FAM153A: variants seen among roughly 807,000 people sequenced by gnomAD.
The protein encoded by FAM153A is protein FAM153A.
Under a neutral mutation model 48.1 loss-of-function variants are expected in FAM153A, and 12 were observed. That is an observed-to-expected ratio of 0.25 (90% confidence interval 0.16 to 0.40). The LOEUF is 0.40. FAM153A is among the 10% of genes least tolerant of loss of function. The pLI, the probability that FAM153A is intolerant of heterozygous loss-of-function variation, is 1.00. For missense variants in FAM153A, 111 were observed against 345.8 expected (o/e 0.32, Z 5.38); for synonymous variants, 36 against 118.2 (o/e 0.30, Z 4.51).
intron 10 of FAM153A, among the ~76,000 whole-genome samples, chr5:177,738,668 G>A (rs1417044466): frequency 3.3e-5 from 5 of 151,098 alleles, no homozygotes; most frequent in Admixed American, 6.6e-5. Context: ...CTCCAGCTGC[G>A]TACTGGGGAT....
intron 10 of FAM153A, 133 bp from the exon 13 acceptor site, chr5:177,737,245 A>C: frequency 6.3e-7 from 1 of 1,587,674 alleles, no homozygotes; most frequent in South Asian, 1.1e-5. Flanking sequence ...CTGCCAGTCC[A>C]TCCTCCATGG....
At chr5:177,697,784 T>TC in the FAM153A span, among the ~76,000 whole-genome samples, 2 of 151,800 alleles carry the variant, frequency 1.3e-5, no homozygotes, top group Non-Finnish European at 2.9e-5. Flanking sequence ...GATCTGTTTC[T>TC]CTGGGGGAAG....
At chr5:177,776,543 T>C (rs1483599366) in intron 1 of FAM153A, among the ~76,000 whole-genome samples, 10 of 79,408 alleles carry the variant, frequency 1.3e-4, no homozygotes, top group Non-Finnish European at 2.0e-4. Context: ...TACCTAGGAA[T>C]CCAACTTACA....
intron 6 of FAM153A, among the ~76,000 whole-genome samples, chr5:177,743,187 C>CTTGTT (rs1765548836): frequency 1.3e-5 from 1 of 77,904 alleles, no homozygotes; most frequent in Non-Finnish European, 2.7e-5. Flanking sequence ...ACTGCATTCA[C>CTTGTT]TTGTTTTTTT....
At chr5:177,781,964 G>C (rs1431763238), upstream of FAM153A, among the ~76,000 whole-genome samples, 685 of 64,176 alleles carry the variant, frequency 0.011, 3 homozygotes, top group East Asian at 0.036. Context: ...CTCTTGACCT[G>C]GTGATCCGCC....
chr5:177,705,088 G>C (rs1157230476), downstream of FAM153A, among the ~76,000 whole-genome samples: 4 of 150,314 alleles, frequency 2.7e-5, no homozygotes, highest in Admixed American at 2.0e-4. Context: ...TGGATCACTT[G>C]AGGTCTGGAG....
chr5:177,701,359 T>A, the FAM153A span, among the ~76,000 whole-genome samples: 2 of 151,684 alleles, frequency 1.3e-5, no homozygotes, highest in African/African-American at 4.9e-5. Context: ...AGGCTATGAG[T>A]AAATGACCAG....
downstream of FAM153A, among the ~76,000 whole-genome samples, chr5:177,707,653 C>A (rs148042762): frequency 0.013 from 1,965 of 151,650 alleles, 92 homozygotes; most frequent in African/African-American, 0.046. Context: ...TCTTACTCTG[C>A]CACCTAAGCA....
chr5:177,702,903 G>A, the FAM153A span, among the ~76,000 whole-genome samples: 1 of 152,018 alleles, frequency 6.6e-6, no homozygotes, highest in East Asian at 1.9e-4. Flanking sequence ...CTAAGCAGAA[G>A]CCTCACTGCC....
upstream of FAM153A, among the ~76,000 whole-genome samples, chr5:177,755,378 T>C (rs185769013): frequency 0.081 from 12,337 of 151,816 alleles, 581 homozygotes; most frequent in Non-Finnish European, 0.09. Flanking sequence ...CTGAAAGTGA[T>C]GGGGAGAATG....
chr5:177,696,416 A>G, the FAM153A span, among the ~76,000 whole-genome samples: 51 of 148,102 alleles, frequency 3.4e-4, 3 homozygotes, highest in African/African-American at 1.3e-3. Context: ...CAGACGGGGC[A>G]GCCGGGCAGA....
chr5:177,716,731 A>G (rs1312047141), intron 24 of FAM153A, among the ~76,000 whole-genome samples: 1 of 151,934 alleles, frequency 6.6e-6, no homozygotes, highest in Non-Finnish European at 1.5e-5. Context: ...ACAGATTGAC[A>G]TATGCATAAA....
At position 177,769,820 on chromosome 5, in the gene FAM153A, C is replaced by T. The variant is rs1447787740; in HGVS notation, c.-57+10629G>A. Among the ~76,000 whole-genome samples, 4 of 96,954 alleles carry T rather than the reference C, an allele frequency of 4.1e-5. 2 individuals carry two copies. Among genetic ancestry groups the T allele is most frequent in the South Asian group, 7.4e-4 (2 of 2,692 alleles). 63.6% of individuals were successfully genotyped at this position (96,954 alleles called of 152,430 possible). ...TCACTCCTTTAAGAGCTTATCCACT[C>T]GGAACCACGCCTCACATTCAGAGAG... On this transcript the variant is annotated intron_variant, in intron 1 of 8. Transcript: ENST00000393518.
chr5:177,759,109 G>T (rs562881066), intron 1 of FAM153A, among the ~76,000 whole-genome samples: 1 of 151,670 alleles, frequency 6.6e-6, no homozygotes, highest in Non-Finnish European at 1.5e-5. Flanking sequence ...AATCTACAAA[G>T]AACTCAAATT....
chr5:177,696,292 C>A, the FAM153A span, among the ~76,000 whole-genome samples: 4 of 146,358 alleles, frequency 2.7e-5, no homozygotes, highest in Non-Finnish European at 6.0e-5. Flanking sequence ...TCCCCACTTC[C>A]CAGACGGGGT....
upstream of FAM153A, among the ~76,000 whole-genome samples, chr5:177,756,242 C>A (rs1442397924): frequency 2.0e-5 from 3 of 148,928 alleles, no homozygotes; most frequent in Admixed American, 6.7e-5. Context: ...ACAAAGAAGG[C>A]CATTACATAA....
chr5:177,694,851 T>C, the FAM153A span, among the ~76,000 whole-genome samples: 1 of 150,324 alleles, frequency 6.7e-6, no homozygotes, highest in South Asian at 2.1e-4. Flanking sequence ...ACCAGCCTGA[T>C]TCCTTTTCCC....
Position 177,768,999 on chromosome 5 carries a change from A to G in FAM153A, c.-57+11450T>C, listed in dbSNP as rs1374203727. On this transcript the variant is annotated intron_variant, in intron 1 of 8. Transcript: ENST00000393518. The stretch of plus-strand genomic sequence containing the variant: ...AGCACTTTGGGAGGCCGAGGCGGGC[A>G]GATCACGAGGTCAGGAGATCAAGAC... 6.9e-4 allele frequency among the ~76,000 whole-genome samples: 63 copies of G among 91,578 alleles called. 17 individuals are homozygous for G. Among genetic ancestry groups the G allele is most frequent in the Admixed American group, 2.1e-3 (18 of 8,780 alleles). The allele number at this position is 91,578 out of a possible 152,430, so 60.1% of individuals were successfully genotyped here. A position where few individuals can be genotyped will look rare whatever the true frequency, so the allele number is the denominator to read the frequency against.
Position 177,771,282 on chromosome 5 carries a change from T to G in FAM153A, c.-57+9167A>C. Among the ~76,000 whole-genome samples the G allele has an allele frequency of 2.1e-5, 2 of 97,116 alleles. 1 individual carries two copies. The highest frequency in any genetic ancestry group is 4.3e-5 in the Non-Finnish European group (2 of 46,882). The allele number at this position is 97,116 out of a possible 152,430, so 63.7% of individuals were successfully genotyped here. A position where few individuals can be genotyped will look rare whatever the true frequency, so the allele number is the denominator to read the frequency against. ...TTTATTCTAATTTTAACTCAGAAAT[T>G]ATTATGCTTATTCAATTTAACCCTT... On this transcript the variant is annotated intron_variant, in intron 1 of 8. Coordinates refer to the FAM153A transcript ENST00000393518.
Sources: allele counts gnomAD v4.1 joint callset (sites outside exome capture counted in the v4.1 genomes callset), GRCh38; gene constraint gnomAD v4.1.1; transcripts MANE v1.5; gene names NCBI Gene and HGNC (gene_info 2026-07-23, HGNC 2026-07-21).